Variants in DCUN1D5 observed in about 807,000 individuals in gnomAD.
DCUN1D5 encodes defective in cullin neddylation 1 domain containing 5.
A neutral mutation model predicts 38.3 loss-of-function variants in DCUN1D5; 10 were observed. That is an observed-to-expected ratio of 0.26 (90% confidence interval 0.16 to 0.44). The LOEUF (loss-of-function observed/expected upper bound fraction) is 0.44, where lower values mean the gene tolerates loss of function less well. Ranked by LOEUF, DCUN1D5 falls within the 20% of genes least tolerant of loss-of-function variation. DCUN1D5 has a pLI of 1.00. For missense variants in DCUN1D5, 148 were observed against 275.3 expected (o/e 0.54, Z 3.27); for synonymous variants, 93 against 90.9 (o/e 1.02, Z -0.13).
In DCUN1D5 at chr11:103,066,555, T is replaced by C; in HGVS notation, c.354A>G (p.Thr118=). The C allele has an allele frequency of 6.2e-7, 1 of 1,602,520 alleles. No homozygotes were observed. Among genetic ancestry groups the C allele is most frequent in the Non-Finnish European group, 8.5e-7 (1 of 1,171,206 alleles). The stretch of plus-strand genomic sequence containing the variant: ...AGTCAAATTTGTTTTGTAACTTTTC[T>C]GTGCAGTCACACCTTAAATAAAAGA... ...KGMTSLQCDC[T]EKLQNKFDFL... Residue 118 remains threonine, a synonymous_variant, in exon 5 of 8, where the codon ACA becomes ACG. Transcript: ENST00000260247. The surrounding 1 kb of genome is among the most constrained non-coding windows in gnomAD (Gnocchi z 4.7).
chr11:103,065,965 ACT>A lies in DCUN1D5; in HGVS notation c.555+302_555+303del, dbSNP rs1862123651. Among the ~76,000 whole-genome samples the A allele has an allele frequency of 6.6e-6, 1 of 151,738 alleles. No homozygotes were observed. On this transcript the variant is annotated intron_variant, in intron 6 of 7. Coordinates refer to ENST00000260247, the MANE Select transcript of DCUN1D5 (RefSeq NM_032299.4). This position sits in a 1 kb window ranked among gnomAD's most constrained non-coding sequence, Gnocchi z 4.6. ...CTTAAAGGTTTGTGTACTAGCATTA[ACT>A]CTCTTATGAAAACCCCGAGAAACTA...
chr11:103,072,651 T>G (rs904239075), intron 4 of DCUN1D5, among the ~76,000 whole-genome samples: 1 of 151,250 alleles, frequency 6.6e-6, no homozygotes, highest in African/African-American at 2.4e-5. Context: ...CTGAGCAAAC[T>G]ATCACAGGAC....
At chr11:103,089,416 G>C (rs1389921092) in intron 1 of DCUN1D5, 98 bp from the exon 2 acceptor site, 7 of 1,063,702 alleles carry the variant, frequency 6.6e-6, no homozygotes, top group Non-Finnish European at 9.0e-6. Context: ...ATTAAACAAA[G>C]GTTTTTTTTT....
rs192381731 is a variant in DCUN1D5, at chr11:103,087,697, T to C, written c.178+1530A>G. ...GGTGGTGATAATACTACCTACTTAA[T>C]AGAACAGTCACAAGAAAAAATAATA... On this transcript the variant is annotated intron_variant, in intron 2 of 7. Coordinates refer to ENST00000260247, the MANE Select transcript of DCUN1D5 (RefSeq NM_032299.4). The surrounding 1 kb of genome is among the most constrained non-coding windows in gnomAD (Gnocchi z 4.1). 1.3e-5 allele frequency among the ~76,000 whole-genome samples: 2 copies of C among 152,128 alleles called. No homozygotes were observed. The highest frequency in any genetic ancestry group is 2.9e-5 in the Non-Finnish European group (2 of 68,008).
Position 103,057,713 on chromosome 11 carries a change from C to T in DCUN1D5, c.*4646G>A, listed in dbSNP as rs1327982709. Among the ~76,000 whole-genome samples, 1 of 151,642 alleles carries T rather than the reference C, an allele frequency of 6.6e-6. No homozygotes were observed. The highest frequency in any genetic ancestry group is 2.4e-5 in the African/African-American group (1 of 41,268). ...CCATCCTGGGTGACAGAGTAAGACC[C>T]TGTCTCCAAAAAAAAAAAGGGAAAA... is the stretch of plus-strand genomic sequence containing the variant. On this transcript the variant is annotated 3_prime_UTR_variant, in exon 8 of 8. Transcript: ENST00000260247. This position sits in a 1 kb window ranked among gnomAD's most constrained non-coding sequence, Gnocchi z 4.8.
In DCUN1D5 at chr11:103,086,722, A is replaced by C. The variant is rs148361537; in HGVS notation, c.178+2505T>G. Reference sequence around the variant, plus strand: ...GCACTATATATCCAGCACTCAGCACAGTGCCTGACTCAAAACAAGTGCTCA... The same window carrying C: ...GCACTATATATCCAGCACTCAGCACCGTGCCTGACTCAAAACAAGTGCTCA... On this transcript the variant is annotated intron_variant, in intron 2 of 7. Coordinates refer to ENST00000260247, the MANE Select transcript of DCUN1D5 (RefSeq NM_032299.4). The surrounding 1 kb of genome is among the most constrained non-coding windows in gnomAD (Gnocchi z 4.1). Among the ~76,000 whole-genome samples, 20 of 152,338 alleles carry C rather than the reference A, an allele frequency of 1.3e-4. No individual in the cohort carries two copies. The East Asian group carries it at 3.9e-3, about 29-fold the overall frequency.
At position 103,078,930 on chromosome 11, in the gene DCUN1D5, A is replaced by G. The variant is rs1591220154; in HGVS notation, c.341+3818T>C. 6.6e-6 allele frequency among the ~76,000 whole-genome samples: 1 copy of G among 152,162 alleles called. No individual in the cohort carries two copies. The highest frequency in any genetic ancestry group is 6.5e-5 in the Admixed American group (1 of 15,278). ...GTATCTTGTATTTCCACTCTAGCACATGTCACGTTCTCCTTGGTTTATGGT... is the reference window on the plus strand; with the variant it reads ...GTATCTTGTATTTCCACTCTAGCACGTGTCACGTTCTCCTTGGTTTATGGT... On this transcript the variant is annotated intron_variant, in intron 4 of 7. Transcript: ENST00000260247. The surrounding 1 kb of genome is among the most constrained non-coding windows in gnomAD (Gnocchi z 4.6).
In DCUN1D5 at chr11:103,082,737, A is replaced by G. The variant is rs776763767; in HGVS notation, c.341+11T>C. 1.2e-4 allele frequency: 195 copies of G among 1,591,876 alleles called. No individual in the cohort carries two copies. Among genetic ancestry groups the G allele is most frequent in the Admixed American group, 7.2e-4 (41 of 56,836 alleles). On this transcript the variant is annotated intron_variant, in intron 4 of 7. Coordinates refer to ENST00000260247, the MANE Select transcript of DCUN1D5 (RefSeq NM_032299.4). ...AGGCCATCAAATTTGTTTTTTAAAA[A>G]AATTTCTTACTGTAATGAAGTCATT...
At position 103,056,316 on chromosome 11, in the gene DCUN1D5, C is replaced by T. The variant is rs1861871514; in HGVS notation, c.*6043G>A. On this transcript the variant is annotated 3_prime_UTR_variant, in exon 8 of 8. Transcript: ENST00000260247. The surrounding 1 kb of genome is among the most constrained non-coding windows in gnomAD (Gnocchi z 4.9). ...TCATTTTCTAATTCTCCCTAAAATG[C>T]TATTATTGTTCACTACAGTCACACT... Among the ~76,000 whole-genome samples the T allele has an allele frequency of 6.6e-6, 1 of 152,162 alleles. No individual in the cohort carries two copies.
Position 103,062,177 on chromosome 11 carries a change from G to T in DCUN1D5, c.*182C>A. On this transcript the variant is annotated 3_prime_UTR_variant, in exon 8 of 8. Coordinates refer to ENST00000260247, the MANE Select transcript of DCUN1D5 (RefSeq NM_032299.4). The surrounding 1 kb of genome is among the most constrained non-coding windows in gnomAD (Gnocchi z 4.6). ...ACTTCAATATTCAGTCTAAGAAGAGGTGTGGCTCAATGCCCATCACATGTA... is the reference window on the plus strand; with the variant it reads ...ACTTCAATATTCAGTCTAAGAAGAGTTGTGGCTCAATGCCCATCACATGTA... The T allele has an allele frequency of 3.4e-6, 2 of 582,612 alleles. No individual in the cohort carries two copies. Among genetic ancestry groups the T allele is most frequent in the South Asian group, 4.5e-5 (2 of 44,174 alleles). 36.1% of individuals were successfully genotyped at this position (582,612 alleles called of 1,614,324 possible).
At chr11:103,080,889 G>A (rs528395249) in intron 4 of DCUN1D5, among the ~76,000 whole-genome samples, 1 of 152,138 alleles carries the variant, frequency 6.6e-6, no homozygotes, top group African/African-American at 2.4e-5. Context: ...GCACACGCCC[G>A]TAGTCCCAGC....
chr11:103,068,977 G>A (rs1565286677), intron 4 of DCUN1D5, among the ~76,000 whole-genome samples: 1 of 152,168 alleles, frequency 6.6e-6, no homozygotes. Flanking sequence ...GTTTAAGAGA[G>A]AATGAAAAGA....
chr11:103,055,825 T>C lies in DCUN1D5; in HGVS notation c.*6534A>G, dbSNP rs1194676485. 6.6e-6 allele frequency: 1 copy of C among 152,184 alleles called. No individual in the cohort carries two copies. The highest frequency in any genetic ancestry group is 1.5e-5 in the Non-Finnish European group (1 of 68,032). The allele number at this position is 152,184 out of a possible 1,614,324, so 9.4% of individuals were successfully genotyped here. A position where few individuals can be genotyped will look rare whatever the true frequency, so the allele number is the denominator to read the frequency against. ...CAGCCCAGACCTCTACTTTTCCAGG[T>C]TCAAATATCCAACTGCCCACTCTAC... On this transcript the variant is annotated 3_prime_UTR_variant, in exon 8 of 8. Coordinates refer to ENST00000260247, the MANE Select transcript of DCUN1D5 (RefSeq NM_032299.4).
rs1252985031 is a variant in DCUN1D5, at chr11:103,056,737, A to C, written c.*5622T>G. On this transcript the variant is annotated 3_prime_UTR_variant, in exon 8 of 8. Coordinates refer to ENST00000260247, the MANE Select transcript of DCUN1D5 (RefSeq NM_032299.4). This position sits in a 1 kb window ranked among gnomAD's most constrained non-coding sequence, Gnocchi z 4.9. The stretch of plus-strand genomic sequence containing the variant: ...AATGATTTAGTCTAAGGAGAATATT[A>C]ATAATTTTGTTTGATTATAAAAATG... Among the ~76,000 whole-genome samples the C allele has an allele frequency of 6.6e-6, 1 of 152,214 alleles. No individual in the cohort carries two copies. The highest frequency in any genetic ancestry group is 2.4e-5 in the African/African-American group (1 of 41,454).
chr11:103,088,046 G>A (rs1862758264), intron 2 of DCUN1D5, among the ~76,000 whole-genome samples: 1 of 151,994 alleles, frequency 6.6e-6, no homozygotes. Context: ...ATTTATTTCT[G>A]GTCTAGAAAG....
chr11:103,063,953 C>T lies in DCUN1D5; in HGVS notation c.658+322G>A, dbSNP rs1051755060. 4.6e-5 allele frequency among the ~76,000 whole-genome samples: 7 copies of T among 152,122 alleles called. No homozygotes were observed. The highest frequency in any genetic ancestry group is 1.7e-4 in the African/African-American group (7 of 41,436). ...TGCTGTTATATTTTTAAAATCATGACTGTACTTTTCTTCCATAGGCAAATG... is the reference window on the plus strand; with the variant it reads ...TGCTGTTATATTTTTAAAATCATGATTGTACTTTTCTTCCATAGGCAAATG... On this transcript the variant is annotated intron_variant, in intron 7 of 7. Coordinates refer to ENST00000260247, the MANE Select transcript of DCUN1D5 (RefSeq NM_032299.4). The surrounding 1 kb of genome is among the most constrained non-coding windows in gnomAD (Gnocchi z 4.6).
In DCUN1D5 at chr11:103,058,234, A is replaced by G. The variant is rs1861924917; in HGVS notation, c.*4125T>C. Among the ~76,000 whole-genome samples, 1 of 152,222 alleles carries G rather than the reference A, an allele frequency of 6.6e-6. No individual in the cohort carries two copies. The highest frequency in any genetic ancestry group is 6.5e-5 in the Admixed American group (1 of 15,282). On this transcript the variant is annotated 3_prime_UTR_variant, in exon 8 of 8. Coordinates refer to ENST00000260247, the MANE Select transcript of DCUN1D5 (RefSeq NM_032299.4). ...AATACATGACACAGCATACACAGCA[A>G]AATGTTTCATCGATCCTAAAAAGAA... is the stretch of plus-strand genomic sequence containing the variant.
In DCUN1D5 at chr11:103,052,104, ATG is replaced by A. The variant is rs1197813202; in HGVS notation, c.*10253_*10254del. 2.6e-5 allele frequency: 4 copies of A among 152,306 alleles called. No homozygotes were observed. In the East Asian group the frequency reaches 7.7e-4, roughly 29 times the overall value. 9.4% of individuals were successfully genotyped at this position (152,306 alleles called of 1,614,324 possible). A position where few individuals can be genotyped will look rare whatever the true frequency, so the allele number is the denominator to read the frequency against. ...TATTTAGAAGACACTGTGCCCGGTT[ATG>A]TGAGACTGCTCCAGTACTACTTAAA... is the stretch of plus-strand genomic sequence containing the variant. On this transcript the variant is annotated 3_prime_UTR_variant, in exon 8 of 8. Transcript: ENST00000260247.
rs190609707 is a variant in DCUN1D5 at position 103,062,802 on chromosome 11, T to G, written c.659-388A>C. Among the ~76,000 whole-genome samples the G allele has an allele frequency of 4.3e-4, 66 of 152,192 alleles. No individual in the cohort carries two copies. Among genetic ancestry groups the G allele is most frequent in the Admixed American group, 3.6e-3 (55 of 15,276 alleles). On this transcript the variant is annotated intron_variant, in intron 7 of 7. Transcript: ENST00000260247. The surrounding 1 kb of genome is among the most constrained non-coding windows in gnomAD (Gnocchi z 4.6). ...AAGTGTACAAGCTTGTTGAGAGGGATCAGCCATAATAGAGACTTACTTTAT... is the reference window on the plus strand; with the variant it reads ...AAGTGTACAAGCTTGTTGAGAGGGAGCAGCCATAATAGAGACTTACTTTAT...
Sources: gnomAD v4.1 joint callset for allele counts (sites outside exome capture counted in the v4.1 genomes callset) on GRCh38, gnomAD v4.1.1 for gene constraint, Gnocchi (gnomAD v3.1) non-coding constraint, MANE v1.5 for transcripts, NCBI Gene and HGNC (gene_info 2026-07-23, HGNC 2026-07-21) for gene names.